The following EXT1 variants were observed in gnomAD, a reference collection of about 807,000 sequenced individuals.
EXT1 encodes exostosin glycosyltransferase 1, also known as exostosin-1.
Under a neutral mutation model 82.5 loss-of-function variants are expected in EXT1, and 20 were observed. The ratio of observed to expected loss-of-function variants is 0.24; its 90% CI spans 0.17 to 0.35. The LOEUF (loss-of-function observed/expected upper bound fraction) is 0.35, where lower values mean the gene tolerates loss of function less well. Ranked by LOEUF, EXT1 falls within the 10% of genes least tolerant of loss-of-function variation. EXT1 has a pLI of 1.00. For missense variants in EXT1, 757 were observed against 936.5 expected, an observed-to-expected ratio of 0.81 and a Z score of 2.50; for synonymous variants, 348 against 350.8, an observed-to-expected ratio of 0.99 and a Z score of 0.09.
At chr8:117,990,448 C>T (rs1195733768) in intron 1 of EXT1, among the ~76,000 whole-genome samples, 1 of 152,208 alleles carries the variant, frequency 6.6e-6, no homozygotes. Flanking sequence ...AGCGATATCT[C>T]GACACATTCC....
At chr8:117,888,731 G>A (rs1056280234) in intron 1 of EXT1, among the ~76,000 whole-genome samples, 2 of 152,060 alleles carry the variant, frequency 1.3e-5, no homozygotes, top group Non-Finnish European at 2.9e-5. Context: ...AGATCTGTTC[G>A]AGTTCCACCT....
chr8:118,105,948 C>T (rs1817797120), intron 1 of EXT1, among the ~76,000 whole-genome samples: 1 of 152,124 alleles, frequency 6.6e-6, no homozygotes, highest in South Asian at 2.1e-4. Flanking sequence ...ACTTATTGTT[C>T]AGTCAATGCA....
intron 1 of EXT1, among the ~76,000 whole-genome samples, chr8:118,059,611 C>T (rs1041725994): frequency 6.6e-6 from 1 of 152,230 alleles, no homozygotes; most frequent in African/African-American, 2.4e-5. Context: ...TGGAATGTTT[C>T]ATCCGTTCCC....
At chr8:117,801,626 C>T (rs188351362) in intron 10 of EXT1, among the ~76,000 whole-genome samples, 110 of 152,296 alleles carry the variant, frequency 7.2e-4, no homozygotes, top group Non-Finnish European at 1.1e-3. Context: ...GTGTCTCAGC[C>T]TCCCAAGTAT....
intron 1 of EXT1, among the ~76,000 whole-genome samples, chr8:118,096,740 T>A (rs1355689825): frequency 2.0e-5 from 3 of 150,868 alleles, no homozygotes; most frequent in African/African-American, 7.3e-5. Flanking sequence ...AAGGATACCT[T>A]GGGGAAAAAA....
chr8:118,098,137 G>A (rs1434983222), intron 1 of EXT1, among the ~76,000 whole-genome samples: 5 of 152,166 alleles, frequency 3.3e-5, no homozygotes, highest in Admixed American at 1.3e-4. Flanking sequence ...CAAGCAGGGT[G>A]GTGATCATAT....
chr8:118,074,517 GCA>G (rs1346276882), intron 1 of EXT1, among the ~76,000 whole-genome samples: 1 of 151,842 alleles, frequency 6.6e-6, no homozygotes, highest in African/African-American at 2.4e-5. Context: ...CCGGCCCCGC[GCA>G]CCGCGGCCAC....
chr8:117,997,568 A>C (rs1334817849), intron 1 of EXT1, among the ~76,000 whole-genome samples: 1 of 152,128 alleles, frequency 6.6e-6, no homozygotes, highest in Non-Finnish European at 1.5e-5. Context: ...TAATCTTGAT[A>C]TATACCTAGG....
intron 1 of EXT1, among the ~76,000 whole-genome samples, chr8:118,044,098 G>T (rs1007361719): frequency 5.3e-5 from 8 of 152,250 alleles, no homozygotes; most frequent in East Asian, 3.9e-4. Context: ...AAACATCAGG[G>T]TTACGTATAA....
chr8:117,973,895 GAAAGA>G (rs1815007760), intron 1 of EXT1, among the ~76,000 whole-genome samples: 4 of 134,944 alleles, frequency 3.0e-5, no homozygotes, highest in South Asian at 4.7e-4. Context: ...GGAAGGAAAG[GAAAGA>G]AAAGGAAAGG....
intron 1 of EXT1, among the ~76,000 whole-genome samples, chr8:118,075,855 T>C (rs1817198582): frequency 6.6e-6 from 1 of 152,148 alleles, no homozygotes; most frequent in African/African-American, 2.4e-5. Flanking sequence ...GAAATCATTG[T>C]GTCCTGAGGA....
intron 1 of EXT1, among the ~76,000 whole-genome samples, chr8:118,046,613 C>A (rs1816627431): frequency 6.6e-6 from 1 of 152,212 alleles, no homozygotes; most frequent in Non-Finnish European, 1.5e-5. Context: ...TTCCCTAATA[C>A]TTTGTATTCC....
chr8:117,914,942 T>C (rs2129998593), intron 1 of EXT1, among the ~76,000 whole-genome samples: 1 of 152,280 alleles, frequency 6.6e-6, no homozygotes, highest in Middle Eastern at 3.4e-3. Flanking sequence ...TTATTAGTAG[T>C]TCTGCTTTTT....
At chr8:117,809,540 G>C (rs1165354617) in intron 8 of EXT1, among the ~76,000 whole-genome samples, 1 of 151,634 alleles carries the variant, frequency 6.6e-6, no homozygotes, top group Admixed American at 6.6e-5. Context: ...GGGAGGCTGA[G>C]GCACGAGAAT....
chr8:117,961,874 C>T (rs1814706983), intron 1 of EXT1, among the ~76,000 whole-genome samples: 2 of 152,162 alleles, frequency 1.3e-5, no homozygotes, highest in Admixed American at 1.3e-4. Flanking sequence ...CATAGAACCA[C>T]AGATCTCATA....
At chr8:118,055,284 T>C (rs1342348125) in intron 1 of EXT1, among the ~76,000 whole-genome samples, 3 of 152,228 alleles carry the variant, frequency 2.0e-5, no homozygotes, top group African/African-American at 7.2e-5. Context: ...CAGCATATTT[T>C]GGGATCATCC....
At chr8:118,041,573 T>C (rs1231525107) in intron 1 of EXT1, among the ~76,000 whole-genome samples, 1 of 151,882 alleles carries the variant, frequency 6.6e-6, no homozygotes, top group African/African-American at 2.4e-5. Flanking sequence ...CCTCAATAAA[T>C]AGCTAATACT....
intron 1 of EXT1, among the ~76,000 whole-genome samples, chr8:117,960,419 A>G (rs1203937308): frequency 1.3e-5 from 2 of 152,124 alleles, no homozygotes; most frequent in African/African-American, 2.4e-5. Flanking sequence ...AAAAGCTCCA[A>G]CCTTAATGGA....
At chr8:117,905,341 C>A (rs1323272805) in intron 1 of EXT1, among the ~76,000 whole-genome samples, 1 of 152,214 alleles carries the variant, frequency 6.6e-6, no homozygotes, top group Non-Finnish European at 1.5e-5. Flanking sequence ...CCCATTCCTA[C>A]TCTGCTCTGA....
Sources: allele counts gnomAD v4.1 joint callset (sites outside exome capture counted in the v4.1 genomes callset), GRCh38; gene constraint gnomAD v4.1.1; transcripts MANE v1.5; gene names NCBI Gene and HGNC (gene_info 2026-07-23, HGNC 2026-07-21).